Variants in KIF3C observed in about 807,000 individuals in gnomAD.
The protein encoded by KIF3C is kinesin-like protein KIF3C.
Under a neutral mutation model 67.7 loss-of-function variants are expected in KIF3C, and 12 were observed. That is an observed-to-expected ratio of 0.18 (90% CI 0.11 to 0.29). The LOEUF (loss-of-function observed/expected upper bound fraction) is 0.29. Ranked by LOEUF, KIF3C falls within the 10% of genes least tolerant of loss-of-function variation. The probability of loss-of-function intolerance (pLI) is 1.00; values close to 1 mark genes in which losing one functional copy is unlikely to be tolerated. For synonymous variants in KIF3C, 393 were observed against 426.2 expected (o/e 0.92, Z 0.96); for missense variants, 789 against 1,059.6 (o/e 0.74, Z 3.55).
chr2:25,935,455 T>G (rs1263139068), intron 5 of KIF3C, among the ~76,000 whole-genome samples: 1 of 151,954 alleles, frequency 6.6e-6, no homozygotes, highest in Non-Finnish European at 1.5e-5. Flanking sequence ...CAGCCTCAAA[T>G]TCCTGGGCTC....
At chr2:25,947,535 A>C (rs1452268026) in intron 5 of KIF3C, among the ~76,000 whole-genome samples, 8 of 150,782 alleles carry the variant, frequency 5.3e-5, no homozygotes, top group Non-Finnish European at 8.9e-5. Flanking sequence ...GAGCTGAGAT[A>C]GCGCCACTGC....
chr2:25,948,646 AAGAG>A (rs942612625), intron 5 of KIF3C, among the ~76,000 whole-genome samples: 5 of 139,424 alleles, frequency 3.6e-5, no homozygotes, highest in African/African-American at 5.7e-5. Context: ...GAGAAAGAGA[AAGAG>A]AGAAAGAGAA....
intron 1 of KIF3C, among the ~76,000 whole-genome samples, chr2:25,977,363 C>G (rs1360418652): frequency 6.6e-6 from 1 of 152,072 alleles, no homozygotes; most frequent in African/African-American, 2.4e-5. Flanking sequence ...GTGGCATGAA[C>G]TGGAAGAAGG....
chr2:25,976,856 G>A (rs2384317), intron 1 of KIF3C, among the ~76,000 whole-genome samples: 17,882 of 152,144 alleles, frequency 0.12, 1,317 homozygotes, highest in African/African-American at 0.2. Flanking sequence ...ACCAATCTAC[G>A]TGTGTTCACC....
chr2:25,939,300 A>T (rs1256141446), intron 5 of KIF3C, among the ~76,000 whole-genome samples: 1 of 152,070 alleles, frequency 6.6e-6, no homozygotes, highest in Non-Finnish European at 1.5e-5. Context: ...GGCATCCGAC[A>T]TCATCGGGTG....
intron 1 of KIF3C, among the ~76,000 whole-genome samples, chr2:25,978,610 T>C (rs1215072248): frequency 6.6e-6 from 1 of 152,130 alleles, no homozygotes; most frequent in African/African-American, 2.4e-5. Flanking sequence ...CTGTGCCCCA[T>C]ACTGCCTTAG....
intron 5 of KIF3C, among the ~76,000 whole-genome samples, chr2:25,937,788 C>T (rs980614275): frequency 1.3e-5 from 2 of 152,190 alleles, no homozygotes; most frequent in East Asian, 1.9e-4. Context: ...TGGTGGCTCA[C>T]GGCACGCCTG....
At chr2:25,951,560 T>C in intron 5 of KIF3C, 2 of 476,198 alleles carry the variant, frequency 4.2e-6, no homozygotes, top group Non-Finnish European at 7.6e-6. Context: ...CAAGGTATTT[T>C]CTGCATCCCA....
Position 25,981,369 on chromosome 2 carries a change from G to A in KIF3C, c.549C>T (p.Phe183=), listed in dbSNP as rs779405761. The change falls in exon 1 of 8, where the codon TTC becomes TTT. Residue 183 remains phenylalanine, a synonymous_variant. Coordinates refer to ENST00000264712, the MANE Select transcript of KIF3C (RefSeq NM_002254.8). The surrounding 1 kb of genome is among the most constrained non-coding windows in gnomAD (Gnocchi z 8.2). ...CAATCTCCTTGACATTCTTGGTGAC[G>A]AAGGAGGAGAGGTCCTTGATGTAGA... is the stretch of plus-strand genomic sequence containing the variant. The part of the protein sequence containing the change: ...TGVYIKDLSS[F]VTKNVKEIEH... The A allele has an allele frequency of 9.3e-6, 15 of 1,614,058 alleles. No individual in the cohort carries two copies. The highest frequency in any genetic ancestry group is 6.7e-5 in the Admixed American group (4 of 59,998).
At chr2:25,938,314 T>G in intron 5 of KIF3C, 1 of 438,692 alleles carries the variant, frequency 2.3e-6, no homozygotes, top group Non-Finnish European at 4.5e-6. Flanking sequence ...GCTGAGATCG[T>G]GCCACTGCAT....
rs1445655677 is a variant in KIF3C at position 25,955,311 on chromosome 2, CAG to C, written c.1770+228_1770+229del. On this transcript the variant is annotated intron_variant, in intron 3 of 7. Transcript: ENST00000264712. This position sits in a 1 kb window ranked among gnomAD's most constrained non-coding sequence, Gnocchi z 5.0. Reference sequence around the variant, plus strand: ...TGGTAACGCTGGATACTGCAAGTGACAGAGTTTGCAGCCTGTCATAGCCCACC... The same window carrying C: ...TGGTAACGCTGGATACTGCAAGTGACAGTTTGCAGCCTGTCATAGCCCACC... Among the ~76,000 whole-genome samples the C allele has an allele frequency of 6.6e-6, 1 of 152,108 alleles. No individual in the cohort carries two copies. The highest frequency in any genetic ancestry group is 1.5e-5 in the Non-Finnish European group (1 of 68,020).
In KIF3C at chr2:25,926,768, C is replaced by T. The variant is rs1297654367; in HGVS notation, c.*2210G>A. ...GTTTTATATATATATTTATATATTA[C>T]ATATGTCCCGTATAGTCATATGTGT... On this transcript the variant is annotated 3_prime_UTR_variant, in exon 8 of 8. Transcript: ENST00000264712. The T allele has an allele frequency of 6.6e-6, 1 of 152,130 alleles. No homozygotes were observed. The highest frequency in any genetic ancestry group is 6.6e-5 in the Admixed American group (1 of 15,238). 9.4% of individuals were successfully genotyped at this position (152,130 alleles called of 1,614,324 possible).
At chr2:25,969,718 GT>G (rs1559557196) in intron 1 of KIF3C, among the ~76,000 whole-genome samples, 1 of 140,724 alleles carries the variant, frequency 7.1e-6, no homozygotes, top group Non-Finnish European at 1.5e-5. Flanking sequence ...GATTTGTTGG[GT>G]TTTTGTTTTT....
rs1664496576 is a variant in KIF3C, at chr2:25,979,246, CTA to C, written c.1545+1125_1545+1126del. 3.3e-5 allele frequency among the ~76,000 whole-genome samples: 5 copies of C among 152,270 alleles called. No individual in the cohort carries two copies. The South Asian group carries it at 1.0e-3, about 32-fold the overall frequency. On this transcript the variant is annotated intron_variant, in intron 1 of 7. Transcript: ENST00000264712. Reference sequence around the variant, plus strand: ...TCCTCAGCAATGCAACTTAATAGGTCTATGACTGGACAGGGAGGGGCCTCTGT... The same window carrying C: ...TCCTCAGCAATGCAACTTAATAGGTCTGACTGGACAGGGAGGGGCCTCTGT...
chr2:25,939,435 T>C (rs551284023), intron 5 of KIF3C, among the ~76,000 whole-genome samples: 2 of 152,278 alleles, frequency 1.3e-5, no homozygotes, highest in Admixed American at 1.3e-4. Flanking sequence ...GTCTGAACTC[T>C]CAGCCTTCCC....
In KIF3C at chr2:25,955,476, CAT is replaced by C; in HGVS notation, c.1770+63_1770+64del. ...AATGGGGAGGAGTCCCTGAAGCACA[CAT>C]CCCTTGGGCAGAGACTGCTGGGCCT... On this transcript the variant is annotated intron_variant, in intron 3 of 7. Transcript: ENST00000264712. The surrounding 1 kb of genome is among the most constrained non-coding windows in gnomAD (Gnocchi z 5.0). 1 of 1,585,612 alleles carries C rather than the reference CAT, an allele frequency of 6.3e-7. No individual in the cohort carries two copies. The highest frequency in any genetic ancestry group is 8.6e-7 in the Non-Finnish European group (1 of 1,160,936).
intron 1 of KIF3C, among the ~76,000 whole-genome samples, chr2:25,971,915 TG>T (rs1664296433): frequency 7.2e-6 from 1 of 138,208 alleles, no homozygotes; most frequent in Non-Finnish European, 1.5e-5. Context: ...TTTGTAGAGA[TG>T]GGGTCTGGCT....
In KIF3C at chr2:25,981,933, T is replaced by G. The variant is rs777887654; in HGVS notation, c.-16A>C. ...TACTGGCCATCTTGCTGCTCTGACC[T>G]TCCTGCCCCCGAGCCCCTCCGCAGC... On this transcript the variant is annotated 5_prime_UTR_variant, in exon 1 of 8. Coordinates refer to ENST00000264712, the MANE Select transcript of KIF3C (RefSeq NM_002254.8). The surrounding 1 kb of genome is among the most constrained non-coding windows in gnomAD (Gnocchi z 8.2). 2.0e-6 allele frequency: 3 copies of G among 1,518,382 alleles called. No homozygotes were observed. Among genetic ancestry groups the G allele is most frequent in the Non-Finnish European group, 2.6e-6 (3 of 1,137,734 alleles). The allele number at this position is 1,518,382 out of a possible 1,614,324, so 94.1% of individuals were successfully genotyped here. A position where few individuals can be genotyped will look rare whatever the true frequency, so the allele number is the denominator to read the frequency against.
At chr2:25,965,676 G>A (rs1000412979) in intron 1 of KIF3C, among the ~76,000 whole-genome samples, 82 of 151,818 alleles carry the variant, frequency 5.4e-4, no homozygotes, top group African/African-American at 1.9e-3. Flanking sequence ...GAGGGACAGG[G>A]ATGCCTGAAA....
Sources: gnomAD v4.1 joint callset for allele counts (sites outside exome capture counted in the v4.1 genomes callset) on GRCh38, gnomAD v4.1.1 for gene constraint, Gnocchi (gnomAD v3.1) non-coding constraint, MANE v1.5 for transcripts, NCBI Gene and HGNC (gene_info 2026-07-23, HGNC 2026-07-21) for gene names.